INPP4B: variants seen among roughly 807,000 people sequenced by gnomAD.
The protein encoded by INPP4B is inositol polyphosphate-4-phosphatase type II B, also known as inositol polyphosphate 4-phosphatase type II.
In INPP4B, 55 loss-of-function variants were observed where a neutral mutation model predicts 122.5. That is an observed-to-expected ratio of 0.45 (90% CI 0.36 to 0.56). The LOEUF (loss-of-function observed/expected upper bound fraction) is 0.56. Ranked by LOEUF, INPP4B falls within the 20% of genes least tolerant of loss-of-function variation. INPP4B has a pLI of 0.00. For missense variants in INPP4B, 1,000 were observed against 1,097.7 expected (o/e 0.91, Z 1.26); for synonymous variants, 403 against 388.7 (o/e 1.04, Z -0.43).
intron 11 of INPP4B, among the ~76,000 whole-genome samples, chr4:142,248,233 C>G (rs540749624): frequency 6.6e-6 from 1 of 151,804 alleles, no homozygotes; most frequent in African/African-American, 2.4e-5. Context: ...CCAAGACTAT[C>G]AATTTTTGAA....
At chr4:142,828,138 T>C (rs1020112225) in intron 1 of INPP4B, among the ~76,000 whole-genome samples, 2 of 151,770 alleles carry the variant, frequency 1.3e-5, no homozygotes, top group East Asian at 3.9e-4. Flanking sequence ...TCACAAGAAA[T>C]TAAAGAAAAT....
intron 1 of INPP4B, among the ~76,000 whole-genome samples, chr4:142,766,185 G>A (rs543663400): frequency 4.6e-5 from 7 of 151,946 alleles, no homozygotes; most frequent in East Asian, 3.9e-4. Flanking sequence ...TTATTTGTAG[G>A]GTGTGCCTAT....
At chr4:142,062,511 G>T (rs576476099) in intron 25 of INPP4B, among the ~76,000 whole-genome samples, 1 of 152,198 alleles carries the variant, frequency 6.6e-6, no homozygotes, top group South Asian at 2.1e-4. Context: ...TGAGGCGGGT[G>T]GATCACCTGA....
chr4:142,530,051 G>C (rs917108495), intron 2 of INPP4B, among the ~76,000 whole-genome samples: 1 of 152,082 alleles, frequency 6.6e-6, no homozygotes, highest in Non-Finnish European at 1.5e-5. Context: ...AACCGTAAAT[G>C]TTTAGTGAAT....
chr4:142,322,737 G>A (rs1269754163), intron 7 of INPP4B, among the ~76,000 whole-genome samples: 1 of 152,190 alleles, frequency 6.6e-6, no homozygotes, highest in African/African-American at 2.4e-5. Flanking sequence ...TTTTTAAAAT[G>A]TGCTACCCTA....
intron 2 of INPP4B, among the ~76,000 whole-genome samples, chr4:142,581,057 G>A (rs901946193): frequency 6.6e-6 from 1 of 151,904 alleles, no homozygotes; most frequent in Non-Finnish European, 1.5e-5. Context: ...AATACATGTG[G>A]ACTTATTTCT....
At chr4:142,688,342 C>T (rs1394048321) in intron 2 of INPP4B, among the ~76,000 whole-genome samples, 1 of 152,072 alleles carries the variant, frequency 6.6e-6, no homozygotes, top group African/African-American at 2.4e-5. Flanking sequence ...TGTACCATTC[C>T]CCCAAATACA....
chr4:142,140,334 G>A (rs1406184632), intron 18 of INPP4B, among the ~76,000 whole-genome samples: 5 of 152,080 alleles, frequency 3.3e-5, no homozygotes, highest in Admixed American at 3.3e-4. Flanking sequence ...CCTTTTACAG[G>A]GCATTTCATG....
chr4:142,405,384 TCTGCGCCGGG>T, intron 5 of INPP4B, 60 bp from the exon 6 acceptor site: 1 of 1,049,496 alleles, frequency 9.5e-7, no homozygotes, highest in Non-Finnish European at 1.5e-6. Context: ...AGGGAAAACT[TCTGCGCCGGG>T]CTGAAAGTGA....
At chr4:142,187,194 G>C (rs1833541018) in intron 15 of INPP4B, among the ~76,000 whole-genome samples, 1 of 151,614 alleles carries the variant, frequency 6.6e-6, no homozygotes, top group Non-Finnish European at 1.5e-5. Context: ...CAGTCCAAAA[G>C]AAAAAAAGGA....
intron 2 of INPP4B, among the ~76,000 whole-genome samples, chr4:142,502,957 C>T (rs1823576895): frequency 1.3e-5 from 2 of 151,798 alleles, no homozygotes; most frequent in South Asian, 2.1e-4. Context: ...TAGTTTGGTT[C>T]GATAATAACT....
At chr4:142,239,381 ATGT>A (rs1858165313) in intron 11 of INPP4B, among the ~76,000 whole-genome samples, 1 of 152,162 alleles carries the variant, frequency 6.6e-6, no homozygotes, top group Non-Finnish European at 1.5e-5. Context: ...TATTTCTAGC[ATGT>A]TGAGAGAAAA....
chr4:142,124,746 G>T lies in INPP4B; in HGVS notation c.1735C>A (p.Gln579Lys), dbSNP rs143791426. 8 of 1,568,710 alleles carry T rather than the reference G, an allele frequency of 5.1e-6. No homozygotes were observed. Among genetic ancestry groups the T allele is most frequent in the African/African-American group, 1.4e-5 (1 of 73,926 alleles). The change falls in exon 19 of 26, where the codon CAG (glutamine) becomes AAG (lysine). Residue 579 changes from glutamine (Q) to lysine (K), a missense_variant. Coordinates refer to ENST00000262992, the MANE Select transcript of INPP4B (RefSeq NM_001101669.3). ...PSHPREDWYEQLYPLILTLKD... is the reference protein window; with the variant it reads ...PSHPREDWYEKLYPLILTLKD... Reference sequence around the variant, plus strand: ...AGGGTAAGGATGAGGGGATACAACTGTTCATACCAGTCCTCTGGGGGAAGG... The same window carrying T: ...AGGGTAAGGATGAGGGGATACAACTTTTCATACCAGTCCTCTGGGGGAAGG...
chr4:142,543,645 G>A (rs1295061176), intron 2 of INPP4B, among the ~76,000 whole-genome samples: 1 of 151,824 alleles, frequency 6.6e-6, no homozygotes, highest in Non-Finnish European at 1.5e-5. Context: ...GTTCTTCATT[G>A]CACAGCATTT....
intron 2 of INPP4B, among the ~76,000 whole-genome samples, chr4:142,580,047 T>C (rs893008823): frequency 6.6e-6 from 1 of 151,126 alleles, no homozygotes; most frequent in African/African-American, 2.4e-5. Context: ...CTTGAAAATA[T>C]GGTACAGAGG....
At position 142,245,768 on chromosome 4, in the gene INPP4B, GTGTGTATATATATATGTGTGTA is replaced by G. The variant is rs1483702887; in HGVS notation, c.689-7779_689-7758del. ...CTATTCTGTTCATATATATGTATAT[GTGTGTATATATATATGTGTGTA>G]TGTATACATATATATGTGTATGTAT... is the stretch of plus-strand genomic sequence containing the variant. On this transcript the variant is annotated intron_variant, in intron 11 of 25. Coordinates refer to ENST00000262992, the MANE Select transcript of INPP4B (RefSeq NM_001101669.3). Among the ~76,000 whole-genome samples the G allele has an allele frequency of 5.0e-5, 7 of 140,788 alleles. No homozygotes were observed. In the East Asian group the frequency reaches 1.4e-3, roughly 28 times the overall value. The allele number at this position is 140,788 out of a possible 152,430, so 92.4% of individuals were successfully genotyped here. A position where few individuals can be genotyped will look rare whatever the true frequency, so the allele number is the denominator to read the frequency against.
intron 2 of INPP4B, among the ~76,000 whole-genome samples, chr4:142,488,729 C>T (rs1821487971): frequency 6.6e-6 from 1 of 152,010 alleles, no homozygotes; most frequent in Admixed American, 6.6e-5. Flanking sequence ...GCATATTTGT[C>T]TTCTCTGTCA....
intron 3 of INPP4B, among the ~76,000 whole-genome samples, chr4:142,456,675 T>C (rs1457824111): frequency 2.0e-5 from 3 of 152,088 alleles, no homozygotes; most frequent in Admixed American, 6.6e-5. Context: ...TCTATAAACA[T>C]TGATGAAAGA....
At chr4:142,696,509 C>G (rs190700810) in intron 2 of INPP4B, among the ~76,000 whole-genome samples, 5 of 152,196 alleles carry the variant, frequency 3.3e-5, no homozygotes, top group African/African-American at 1.2e-4. Flanking sequence ...TTTCCCCACC[C>G]CAGCCCTGAC....
Sources: gnomAD v4.1 joint callset for allele counts (sites outside exome capture counted in the v4.1 genomes callset) on GRCh38, gnomAD v4.1.1 for gene constraint, MANE v1.5 for transcripts, NCBI Gene and HGNC (gene_info 2026-07-23, HGNC 2026-07-21) for gene names.